LSG1: variants seen among roughly 807,000 people sequenced by gnomAD.
LSG1 encodes the protein large subunit GTPase 1 homolog.
In LSG1, 55 loss-of-function variants were observed where a neutral mutation model predicts 82.6. The ratio of observed to expected loss-of-function variants is 0.67; its 90% CI spans 0.54 to 0.83. The LOEUF (loss-of-function observed/expected upper bound fraction) is 0.83, where lower values mean the gene tolerates loss of function less well. Among genes scored for constraint, LSG1 ranks in the 40% least tolerant of loss-of-function variants. The probability of loss-of-function intolerance (pLI) is 0.00; values close to 1 mark genes in which losing one functional copy is unlikely to be tolerated. For missense variants in LSG1, 809 were observed against 807.9 expected (o/e 1.00, Z -0.02); for synonymous variants, 272 against 282.5 (o/e 0.96, Z 0.37).
chr3:194,653,209 T>A, intron 7 of LSG1, 67 bp from the exon 8 acceptor site: 1 of 1,497,556 alleles, frequency 6.7e-7, no homozygotes, highest in Non-Finnish European at 9.1e-7. Flanking sequence ...AAATACTTAA[T>A]GAGTTGTAAG....
chr3:194,653,003 G>T lies in LSG1; in HGVS notation c.899C>A (p.Thr300Lys), dbSNP rs375975830. 3.7e-6 allele frequency: 6 copies of T among 1,614,132 alleles called. No individual in the cohort carries two copies. Among genetic ancestry groups the T allele is most frequent in the Non-Finnish European group, 5.1e-6 (6 of 1,180,032 alleles). The change falls in exon 8 of 14, where the codon ACG becomes AAG. Residue 300 changes from threonine (T) to lysine (K), a missense_variant. Thr to Lys is a moderately conservative substitution (Grantham distance 78). Coordinates refer to ENST00000265245, the MANE Select transcript of LSG1 (RefSeq NM_018385.3). ...DSPSLSENPTTDEDDSEYEDC... is the reference protein window; with the variant it reads ...DSPSLSENPTKDEDDSEYEDC... ...CTCATACTCACTGTCATCTTCATCC[G>T]TTGTGGGATTTTCACTAAGTGAAGG...
intron 7 of LSG1, among the ~76,000 whole-genome samples, chr3:194,657,384 A>G (rs1718813986): frequency 6.6e-6 from 1 of 152,046 alleles, no homozygotes; most frequent in Admixed American, 6.6e-5. Context: ...TAAAAGGAAC[A>G]GTACTCTCCT....
At chr3:194,667,942 A>AAAATATATATATATATAT (rs1416407494) in intron 2 of LSG1, among the ~76,000 whole-genome samples, 1 of 86,962 alleles carries the variant, frequency 1.1e-5, no homozygotes, top group Non-Finnish European at 2.0e-5. Context: ...AAAAAAAAAA[A>AAAATATATATATATATAT]ATATATATAT....
At chr3:194,656,055 A>T (rs1409668391) in intron 7 of LSG1, among the ~76,000 whole-genome samples, 2 of 152,162 alleles carry the variant, frequency 1.3e-5, no homozygotes, top group Non-Finnish European at 1.5e-5. Context: ...ACCCTAGAAG[A>T]AAACCTAGGC....
Position 194,641,988 on chromosome 3 carries a change from G to A in LSG1, c.*80C>T. On this transcript the variant is annotated 3_prime_UTR_variant, in exon 14 of 14. Coordinates refer to ENST00000265245, the MANE Select transcript of LSG1 (RefSeq NM_018385.3). ...CCCGTTCTACAGTGCTAGTGTCTTG[G>A]GACGGTTCCACAGGCAACAGGCAGC... is the stretch of plus-strand genomic sequence containing the variant. 5.4e-6 allele frequency: 8 copies of A among 1,488,458 alleles called. No homozygotes were observed. Among genetic ancestry groups the A allele is most frequent in the Non-Finnish European group, 7.3e-6 (8 of 1,089,282 alleles). The allele number at this position is 1,488,458 out of a possible 1,614,324, so 92.2% of individuals were successfully genotyped here. A position where few individuals can be genotyped will look rare whatever the true frequency, so the allele number is the denominator to read the frequency against.
Position 194,652,812 on chromosome 3 carries a change from C to G in LSG1, c.1090G>C (p.Val364Leu), listed in dbSNP as rs560614933. The G allele has an allele frequency of 1.4e-5, 22 of 1,614,198 alleles. No homozygotes were observed. The South Asian group carries it at 2.4e-4, about 18-fold the overall frequency. The change falls in exon 8 of 14, where the codon GTA becomes CTA. Residue 364 changes from valine (V) to leucine (L), a missense_variant. Coordinates refer to ENST00000265245, the MANE Select transcript of LSG1 (RefSeq NM_018385.3). ...KRQIHNFSHL[V>L]SKQELLELFK... Reference sequence around the variant, plus strand: ...AGCTCCAGTAACTCCTGCTTGGATACCAGATGGCTAAAATTGTGTATCTGC... The same window carrying G: ...AGCTCCAGTAACTCCTGCTTGGATAGCAGATGGCTAAAATTGTGTATCTGC...
intron 7 of LSG1, among the ~76,000 whole-genome samples, chr3:194,654,781 A>G (rs1166759061): frequency 2.0e-5 from 3 of 152,264 alleles, no homozygotes; most frequent in Admixed American, 2.0e-4. Context: ...TATGTTAAAA[A>G]TTAAAAGAAA....
rs1477065870 is a variant in LSG1, at chr3:194,641,532, A to G, written c.*536T>C. 1.3e-5 allele frequency: 2 copies of G among 152,338 alleles called. No homozygotes were observed. Among genetic ancestry groups the G allele is most frequent in the Non-Finnish European group, 2.9e-5 (2 of 68,166 alleles). 9.4% of individuals were successfully genotyped at this position (152,338 alleles called of 1,614,324 possible). A position where few individuals can be genotyped will look rare whatever the true frequency, so the allele number is the denominator to read the frequency against. On this transcript the variant is annotated 3_prime_UTR_variant, in exon 14 of 14. Transcript: ENST00000265245. ...AACTGAACCCAAGTCCCTTGTTTAG[A>G]GTCGGAGGAACCCAACTAGGACACT...
chr3:194,645,619 CACAG>C (rs1462418250), intron 12 of LSG1, among the ~76,000 whole-genome samples: 15 of 145,198 alleles, frequency 1.0e-4, no homozygotes, highest in African/African-American at 3.8e-4. Context: ...CACACACACA[CACAG>C]AGTTTTCATT....
chr3:194,642,411 G>C (rs73085074), intron 13 of LSG1, among the ~76,000 whole-genome samples, 164 bp from the exon 14 acceptor site: 3,453 of 140,078 alleles, frequency 0.025, 136 homozygotes, highest in African/African-American at 0.09. Context: ...CCAGCATTCT[G>C]TCTTCAGTTC....
intron 5 of LSG1, among the ~76,000 whole-genome samples, chr3:194,661,081 T>C (rs1718919568): frequency 6.6e-6 from 1 of 152,226 alleles, no homozygotes; most frequent in South Asian, 2.1e-4. Flanking sequence ...TTTGCAAATA[T>C]GCTAAATTCC....
chr3:194,659,006 A>G lies in LSG1; in HGVS notation c.710T>C (p.Ile237Thr), dbSNP rs1718865491. The G allele has an allele frequency of 8.1e-6, 13 of 1,614,214 alleles. No individual in the cohort carries two copies. Among genetic ancestry groups the G allele is most frequent in the Non-Finnish European group, 1.0e-5 (12 of 1,180,032 alleles). The change falls in exon 7 of 14, where the codon ATT (isoleucine) becomes ACT (threonine). Residue 237 changes from isoleucine (I) to threonine (T), a missense_variant. Coordinates refer to ENST00000265245, the MANE Select transcript of LSG1 (RefSeq NM_018385.3). ...GGCTCCGGCCAAAGCTGACCAGAAA[A>G]TAACCTTCACATCTTCTTTTTCGAA... ...MYFEKEDVKVIFWSALAGAIP... is the reference protein window; with the variant it reads ...MYFEKEDVKVTFWSALAGAIP...
In LSG1 at chr3:194,653,053, G is replaced by C; in HGVS notation, c.849C>G (p.Ser283=). 1.2e-6 allele frequency: 2 copies of C among 1,614,170 alleles called. No homozygotes were observed. Among genetic ancestry groups the C allele is most frequent in the Non-Finnish European group, 1.7e-6 (2 of 1,180,024 alleles). Residue 283 remains serine (S), a synonymous_variant, in exon 8 of 14, where the codon TCC becomes TCG. Transcript: ENST00000265245. ...GAGAATCCCTAGCTGGGAGATGTTC[G>C]GATTCACTGTGGGAAATTTCAGCCT... ...FDQAEISHSE[S]EHLPARDSPS... is the part of the protein sequence containing the mutation.
chr3:194,667,071 T>C (rs980856617), intron 2 of LSG1, among the ~76,000 whole-genome samples: 3 of 151,506 alleles, frequency 2.0e-5, no homozygotes, highest in Non-Finnish European at 2.9e-5. Context: ...CTTTGTCTTC[T>C]GTTTTTTTTT....
rs531879723 is a variant in LSG1, at chr3:194,641,804, C to A, written c.*264G>T. Reference sequence around the variant, plus strand: ...AATTTTTTTGTATTTTTAGTAGAGACGGGGTTTCTCCATGTTGGTGCGTGA... The same window carrying A: ...AATTTTTTTGTATTTTTAGTAGAGAAGGGGTTTCTCCATGTTGGTGCGTGA... On this transcript the variant is annotated 3_prime_UTR_variant, in exon 14 of 14. Transcript: ENST00000265245. The A allele has an allele frequency of 1.6e-5, 5 of 306,662 alleles. No individual in the cohort carries two copies. The highest frequency in any genetic ancestry group is 5.6e-5 in the East Asian group (1 of 17,932). The allele number at this position is 306,662 out of a possible 1,614,324, so 19.0% of individuals were successfully genotyped here. A position where few individuals can be genotyped will look rare whatever the true frequency, so the allele number is the denominator to read the frequency against.
chr3:194,670,027 C>T lies in LSG1; in HGVS notation c.208G>A (p.Gly70Arg). 6.2e-7 allele frequency: 1 copy of T among 1,614,048 alleles called. No individual in the cohort carries two copies. Among genetic ancestry groups the T allele is most frequent in the East Asian group, 2.2e-5 (1 of 44,890 alleles). The change falls in exon 2 of 14, where the codon GGA (glycine) becomes AGA (arginine). Residue 70 changes from glycine (G) to arginine (R), a missense_variant. Coordinates refer to ENST00000265245, the MANE Select transcript of LSG1 (RefSeq NM_018385.3). ...AACTTACCAGCTACAAACTCTGTTC[C>T]TGCAAGTTCTGCAGTAGCAAGGAAG... ...DDFLATAELA[G>R]TEFVAEKLNI...
chr3:194,669,865 G>T (rs1042311247), intron 2 of LSG1, 144 bp downstream of exon 2: 2 of 874,636 alleles, frequency 2.3e-6, no homozygotes, highest in Admixed American at 2.4e-5. Flanking sequence ...CCAGGAGGCG[G>T]AGCTGCAGTG....
intron 7 of LSG1, among the ~76,000 whole-genome samples, chr3:194,655,617 TTTTAA>T (rs1232462643): frequency 5.3e-5 from 8 of 152,330 alleles, no homozygotes; most frequent in Non-Finnish European, 7.4e-5. Flanking sequence ...TATGGGTTAG[TTTTAA>T]TTATAGTAAT....
chr3:194,663,324 A>G (rs940023670), intron 5 of LSG1, among the ~76,000 whole-genome samples: 3 of 152,210 alleles, frequency 2.0e-5, no homozygotes, highest in African/African-American at 7.2e-5. Flanking sequence ...CTTGAGTAAA[A>G]GGAGCCTGCA....
Sources: gnomAD v4.1 joint callset for allele counts (sites outside exome capture counted in the v4.1 genomes callset) on GRCh38, gnomAD v4.1.1 for gene constraint, MANE v1.5 for transcripts, NCBI Gene and HGNC (gene_info 2026-07-23, HGNC 2026-07-21) for gene names.